The following ADAMTS3 variants were observed in gnomAD, a reference collection of about 807,000 sequenced individuals.
The protein encoded by ADAMTS3 is A disintegrin and metalloproteinase with thrombospondin motifs 3.
ADAMTS3 carries 73 observed loss-of-function variants against 129.0 expected under a neutral mutation model. That is an observed-to-expected ratio of 0.57 (90% CI 0.47 to 0.69). The LOEUF is 0.69. Ranked by LOEUF, ADAMTS3 falls within the 30% of genes least tolerant of loss-of-function variation. ADAMTS3 has a pLI of 0.00. For synonymous variants in ADAMTS3, 477 were observed against 510.8 expected, an observed-to-expected ratio of 0.93 and a Z score of 0.89; for missense variants, 1,457 against 1,514.5, an observed-to-expected ratio of 0.96 and a Z score of 0.63.
intron 3 of ADAMTS3, among the ~76,000 whole-genome samples, chr4:72,530,723 T>C (rs1414117985): frequency 1.3e-5 from 1 of 75,204 alleles, no homozygotes. Flanking sequence ...TATATAATAT[T>C]ATACATTATA....
chr4:72,379,484 A>C (rs1578629045), intron 4 of ADAMTS3, among the ~76,000 whole-genome samples: 2 of 151,868 alleles, frequency 1.3e-5, no homozygotes, highest in African/African-American at 4.8e-5. Flanking sequence ...TCAATTAGAG[A>C]CCATCCAGTC....
intron 3 of ADAMTS3, among the ~76,000 whole-genome samples, chr4:72,481,468 T>C (rs1560532879): frequency 6.6e-6 from 1 of 152,128 alleles, no homozygotes; most frequent in South Asian, 2.1e-4. Context: ...TTTCAGCAAA[T>C]GGTGCTAGAG....
chr4:72,535,332 G>A (rs1721158155), intron 3 of ADAMTS3, among the ~76,000 whole-genome samples: 1 of 152,114 alleles, frequency 6.6e-6, no homozygotes, highest in African/African-American at 2.4e-5. Context: ...GCTAACATTT[G>A]TAAATTCTCT....
At chr4:72,548,451 A>G (rs746594327) in intron 3 of ADAMTS3, 27 bp downstream of exon 3, 23 of 1,603,600 alleles carry the variant, frequency 1.4e-5, no homozygotes, top group Non-Finnish European at 1.9e-5. Flanking sequence ...ACCTGCAAAC[A>G]TACGCACAAA....
chr4:72,319,835 T>C, intron 8 of ADAMTS3, 23 bp downstream of exon 8: 1 of 1,573,552 alleles, frequency 6.4e-7, no homozygotes. Flanking sequence ...TTTTTGGCTT[T>C]ATAGCTGTCA....
intron 2 of ADAMTS3, among the ~76,000 whole-genome samples, chr4:72,549,379 C>T (rs1721552781): frequency 6.6e-6 from 1 of 152,086 alleles, no homozygotes. Flanking sequence ...TACACTGTAG[C>T]TTACAATGCT....
intron 4 of ADAMTS3, among the ~76,000 whole-genome samples, chr4:72,389,091 A>G (rs1160031577): frequency 6.6e-6 from 1 of 152,158 alleles, no homozygotes; most frequent in Non-Finnish European, 1.5e-5. Context: ...CACTGTTTGT[A>G]CAGTTTTGGC....
chr4:72,295,858 C>A (rs552523425), intron 18 of ADAMTS3, 72 bp from the exon 19 acceptor site: 5 of 1,526,258 alleles, frequency 3.3e-6, no homozygotes, highest in African/African-American at 1.4e-5. Context: ...TATTCACTTA[C>A]TCATTCATAC....
intron 3 of ADAMTS3, among the ~76,000 whole-genome samples, chr4:72,444,364 A>G (rs1718198065): frequency 6.6e-6 from 1 of 151,716 alleles, no homozygotes; most frequent in Non-Finnish European, 1.5e-5. Context: ...AGCTGTCATC[A>G]TGGTCTTATC....
chr4:72,471,872 G>A (rs1719083153), intron 3 of ADAMTS3, among the ~76,000 whole-genome samples: 1 of 151,892 alleles, frequency 6.6e-6, no homozygotes, highest in South Asian at 2.1e-4. Context: ...AAATCTCTTT[G>A]AGGTCTTAAA....
rs1389919353 is a variant in ADAMTS3, at chr4:72,414,917, C to T, written c.559G>A (p.Gly187Ser). 1 of 1,582,878 alleles carries T rather than the reference C, an allele frequency of 6.3e-7. No homozygotes were observed. The highest frequency in any genetic ancestry group is 8.6e-7 in the Non-Finnish European group (1 of 1,166,394). The change falls in exon 4 of 22, where the codon GGT becomes AGT. Residue 187 changes from glycine to serine, a missense_variant. Transcript: ENST00000286657. ...EEYFIEPLER[G>S]KQMEEEKGRI... ...CCTTTTTCTTCCTCCATCTGTTTACCTCTTTCCAAGGGTTCAATGAAATAC... is the reference window on the plus strand; with the variant it reads ...CCTTTTTCTTCCTCCATCTGTTTACTTCTTTCCAAGGGTTCAATGAAATAC...
In ADAMTS3 at chr4:72,548,815, T is replaced by G. The variant is rs774809092; in HGVS notation, c.167A>C (p.Tyr56Ser). The G allele has an allele frequency of 3.1e-6, 5 of 1,613,780 alleles. No homozygotes were observed. In the African/African-American group the frequency reaches 5.3e-5, roughly 17 times the overall value. The change falls in exon 3 of 22, where the codon TAT becomes TCT. Residue 56 changes from tyrosine (Y) to serine (S), a missense_variant. By Grantham distance (144) the Tyr-to-Ser change is moderately radical. Transcript: ENST00000286657. The part of the protein sequence containing the change: ...TPVSTNLEGR[Y>S]LSHTLSASHK... ...ACTCGCAGAAAGAGTATGGGAGAGA[T>G]AGCGTCCTTCTAGATTTGTGCTGAC...
intron 4 of ADAMTS3, among the ~76,000 whole-genome samples, chr4:72,343,681 C>T (rs1293107624): frequency 6.6e-6 from 1 of 151,912 alleles, no homozygotes; most frequent in Non-Finnish European, 1.5e-5. Context: ...TATGTGACAA[C>T]AGAATTAGCA....
chr4:72,478,481 A>G (rs1314617013), intron 3 of ADAMTS3, among the ~76,000 whole-genome samples: 1 of 150,006 alleles, frequency 6.7e-6, no homozygotes, highest in East Asian at 1.9e-4. Context: ...GGCCTTTGAC[A>G]AAATTCAACA....
intron 4 of ADAMTS3, among the ~76,000 whole-genome samples, chr4:72,360,223 G>C (rs751481827): frequency 1.3e-5 from 2 of 152,038 alleles, no homozygotes; most frequent in African/African-American, 2.4e-5. Context: ...CACCATAGGA[G>C]GTTTTTCCTC....
intron 3 of ADAMTS3, among the ~76,000 whole-genome samples, chr4:72,513,814 T>C (rs1380437137): frequency 6.6e-6 from 1 of 152,130 alleles, no homozygotes; most frequent in Non-Finnish European, 1.5e-5. Flanking sequence ...ACCCAACAGG[T>C]AATTTTTAAA....
intron 3 of ADAMTS3, among the ~76,000 whole-genome samples, chr4:72,514,403 AT>A (rs749921487): frequency 6.6e-6 from 1 of 152,176 alleles, no homozygotes; most frequent in African/African-American, 2.4e-5. Context: ...GGGTGGGAGT[AT>A]TATAAAACCA....
intron 1 of ADAMTS3, among the ~76,000 whole-genome samples, chr4:72,567,747 G>T (rs1722054080): frequency 6.6e-6 from 1 of 152,194 alleles, no homozygotes; most frequent in South Asian, 2.1e-4. Context: ...ACCTAACAGG[G>T]GGCCTGATTA....
intron 2 of ADAMTS3, among the ~76,000 whole-genome samples, chr4:72,562,552 G>A (rs1284429666): frequency 6.6e-6 from 1 of 152,064 alleles, no homozygotes; most frequent in East Asian, 1.9e-4. Context: ...TTGAAAAATT[G>A]TACTAAAACA....
Sources: gnomAD v4.1 joint callset for allele counts (sites outside exome capture counted in the v4.1 genomes callset) on GRCh38, gnomAD v4.1.1 for gene constraint, MANE v1.5 for transcripts, NCBI Gene and HGNC (gene_info 2026-07-23, HGNC 2026-07-21) for gene names.